PREX2: variants seen among roughly 807,000 people sequenced by gnomAD.
PREX2 encodes the protein phosphatidylinositol-3,4,5-trisphosphate dependent Rac exchange factor 2.
PREX2 carries 107 observed loss-of-function variants against 203.2 expected under a neutral mutation model. The ratio of observed to expected loss-of-function variants is 0.53; its 90% CI spans 0.45 to 0.62. PREX2 has a LOEUF of 0.62. Ranked by LOEUF, PREX2 falls within the 20% of genes least tolerant of loss-of-function variation. PREX2 has a pLI of 0.00. For missense variants in PREX2, 1,777 were observed against 1,955.9 expected (o/e 0.91, Z 1.72); for synonymous variants, 672 against 663.6 (o/e 1.01, Z -0.19).
At chr8:67,985,002 GTT>G (rs1223227787) in intron 1 of PREX2, among the ~76,000 whole-genome samples, 1 of 145,030 alleles carries the variant, frequency 6.9e-6, no homozygotes, top group African/African-American at 2.5e-5. Flanking sequence ...AAGTACACAA[GTT>G]TTTTTTTTTT....
chr8:68,043,153 C>A (rs184545974), intron 7 of PREX2, among the ~76,000 whole-genome samples: 1 of 152,222 alleles, frequency 6.6e-6, no homozygotes, highest in East Asian at 1.9e-4. Context: ...TCCTGTGAGG[C>A]CAATTTTCAT....
At chr8:68,199,752 G>T (rs1812466689) in intron 37 of PREX2, among the ~76,000 whole-genome samples, 1 of 152,106 alleles carries the variant, frequency 6.6e-6, no homozygotes, top group Non-Finnish European at 1.5e-5. Flanking sequence ...ACTTTTAAAG[G>T]ACTCTTTCTT....
At chr8:68,007,223 GT>G (rs1356250902) in intron 1 of PREX2, among the ~76,000 whole-genome samples, 1 of 152,060 alleles carries the variant, frequency 6.6e-6, no homozygotes. Flanking sequence ...GATAATAATT[GT>G]TATCCTAGGT....
intron 1 of PREX2, among the ~76,000 whole-genome samples, chr8:67,992,091 C>G (rs1806627679): frequency 6.6e-6 from 1 of 152,124 alleles, no homozygotes; most frequent in South Asian, 2.1e-4. Flanking sequence ...GTGAAGGACT[C>G]TGGTCTTTCC....
chr8:67,993,907 G>C (rs1806684790), intron 1 of PREX2, among the ~76,000 whole-genome samples: 1 of 152,158 alleles, frequency 6.6e-6, no homozygotes, highest in African/African-American at 2.4e-5. Flanking sequence ...TTTGATCTAG[G>C]ATTCGAAGGA....
chr8:68,042,468 A>T (rs1307122141), intron 7 of PREX2, among the ~76,000 whole-genome samples: 6 of 152,056 alleles, frequency 3.9e-5, no homozygotes, highest in African/African-American at 1.4e-4. Context: ...AAAAATATAT[A>T]TCCATTTTGT....
rs375920075 is a variant in PREX2, at chr8:68,119,564, A to C, written c.3504+50A>C. Reference sequence around the variant, plus strand: ...TTTGTTCCACAACTAAACTGTGAGGAGTCCCTTTTTCATATGCAGTAAAAG... The same window carrying C: ...TTTGTTCCACAACTAAACTGTGAGGCGTCCCTTTTTCATATGCAGTAAAAG... On this transcript the variant is annotated intron_variant, in intron 28 of 39. Transcript: ENST00000288368. The C allele has an allele frequency of 2.2e-5, 30 of 1,363,792 alleles. No homozygotes were observed. In the Admixed American group the frequency reaches 5.1e-4, roughly 23 times the overall value. 84.5% of individuals were successfully genotyped at this position (1,363,792 alleles called of 1,614,324 possible).
intron 1 of PREX2, among the ~76,000 whole-genome samples, chr8:67,994,158 G>A (rs182146700): frequency 2.0e-4 from 30 of 152,316 alleles, no homozygotes; most frequent in Non-Finnish European, 3.2e-4. Flanking sequence ...TAAAGCACAC[G>A]TCTAATGGAA....
chr8:68,200,224 C>A (rs1470069287), intron 37 of PREX2, among the ~76,000 whole-genome samples: 1 of 151,998 alleles, frequency 6.6e-6, no homozygotes, highest in Non-Finnish European at 1.5e-5. Flanking sequence ...AAAATATATG[C>A]TTTAATTTCC....
intron 38 of PREX2, among the ~76,000 whole-genome samples, chr8:68,220,541 G>C (rs905763676): frequency 2.0e-5 from 3 of 152,082 alleles, no homozygotes; most frequent in Non-Finnish European, 4.4e-5. Context: ...ACAAAGACAT[G>C]AGGTTGACAT....
chr8:68,192,342 G>C lies in PREX2; in HGVS notation c.4421G>C (p.Arg1474Thr). Residue 1474 changes from arginine to threonine, a missense_variant, in exon 37 of 40, where the codon AGG becomes ACG. Transcript: ENST00000288368. Reference sequence around the variant, plus strand: ...ATCACTTTTTTTCTGCAGCTAATGAGGCCTCTCAACGCTTTGGATGAACTT... The same window carrying C: ...ATCACTTTTTTTCTGCAGCTAATGACGCCTCTCAACGCTTTGGATGAACTT... Reference protein sequence around the residue: ...SKAAYVDKLMRPLNALDELYR... With the variant: ...SKAAYVDKLMTPLNALDELYR... The C allele has an allele frequency of 6.3e-7, 1 of 1,589,332 alleles. No individual in the cohort carries two copies. The highest frequency in any genetic ancestry group is 8.6e-7 in the Non-Finnish European group (1 of 1,164,774).
intron 2 of PREX2, among the ~76,000 whole-genome samples, chr8:68,018,553 G>A (rs1394383345): frequency 6.6e-6 from 1 of 152,116 alleles, no homozygotes; most frequent in Non-Finnish European, 1.5e-5. Context: ...CGTATAAGAG[G>A]ATTGTTAGAG....
intron 39 of PREX2, among the ~76,000 whole-genome samples, chr8:68,228,265 T>G (rs549220231): frequency 3.8e-4 from 58 of 152,248 alleles, no homozygotes; most frequent in African/African-American, 1.3e-3. Flanking sequence ...GGAACTCTTG[T>G]GCTATGAAAA....
chr8:68,047,684 G>A (rs1433260559), intron 8 of PREX2, among the ~76,000 whole-genome samples: 1 of 151,022 alleles, frequency 6.6e-6, no homozygotes, highest in Non-Finnish European at 1.5e-5. Flanking sequence ...ACTGGGCCTG[G>A]CACTTAGAAC....
At chr8:68,189,394 C>T (rs993934894) in intron 35 of PREX2, among the ~76,000 whole-genome samples, 4 of 152,172 alleles carry the variant, frequency 2.6e-5, no homozygotes, top group African/African-American at 7.2e-5. Context: ...TGCTCTTTCA[C>T]TCTGCCCCAG....
At chr8:67,994,220 A>G (rs1323578819) in intron 1 of PREX2, among the ~76,000 whole-genome samples, 1 of 152,192 alleles carries the variant, frequency 6.6e-6, no homozygotes, top group Non-Finnish European at 1.5e-5. Flanking sequence ...CTTAATTCTC[A>G]GAAACGTGTC....
At chr8:67,958,633 G>A (rs1384658168) in intron 1 of PREX2, among the ~76,000 whole-genome samples, 1 of 152,140 alleles carries the variant, frequency 6.6e-6, no homozygotes, top group Admixed American at 6.5e-5. Flanking sequence ...TGGGGTAGAA[G>A]CATTGGAAAA....
chr8:68,115,021 CTTTTTTTTT>C (rs5892137), intron 25 of PREX2, among the ~76,000 whole-genome samples: 3 of 86,866 alleles, frequency 3.5e-5, no homozygotes, highest in Non-Finnish European at 6.2e-5. Flanking sequence ...TCTTTTCTTT[CTTTTTTTTT>C]TTTTTTTTTT....
intron 1 of PREX2, among the ~76,000 whole-genome samples, chr8:67,986,784 C>G (rs943811169): frequency 6.6e-6 from 1 of 152,092 alleles, no homozygotes; most frequent in African/African-American, 2.4e-5. Flanking sequence ...CTCTAGGACT[C>G]TTTTTGGCTC....
Sources: gnomAD v4.1 joint callset for allele counts (sites outside exome capture counted in the v4.1 genomes callset) on GRCh38, gnomAD v4.1.1 for gene constraint, MANE v1.5 for transcripts, NCBI Gene and HGNC (gene_info 2026-07-23, HGNC 2026-07-21) for gene names.